Variants in SIK3 observed in about 807,000 individuals in gnomAD.
SIK3 encodes the protein serine/threonine-protein kinase SIK3.
SIK3 carries 28 observed loss-of-function variants against 144.2 expected under a neutral mutation model. The ratio of observed to expected loss-of-function variants is 0.19; its 90% confidence interval spans 0.14 to 0.27. The LOEUF is 0.27. Ranked by LOEUF, SIK3 falls within the 10% of genes least tolerant of loss-of-function variation. The probability of loss-of-function intolerance (pLI) is 1.00; values close to 1 mark genes in which losing one functional copy is unlikely to be tolerated. For synonymous variants in SIK3, 686 were observed against 676.3 expected (o/e 1.01, Z -0.22); for missense variants, 1,319 against 1,776.0 (o/e 0.74, Z 4.62).
At chr11:117,057,024 G>A (rs10790172) in intron 1 of SIK3, among the ~76,000 whole-genome samples, 1 of 152,296 alleles carries the variant, frequency 6.6e-6, no homozygotes, top group East Asian at 1.9e-4. Flanking sequence ...TAGAGTCACA[G>A]GCAGTTGTAA....
intron 6 of SIK3, among the ~76,000 whole-genome samples, chr11:116,887,623 A>AC (rs559426331): frequency 1.1e-3 from 161 of 152,186 alleles, no homozygotes; most frequent in African/African-American, 3.7e-3. Flanking sequence ...AAAAAAAAAA[A>AC]AAAACAAGAG....
At chr11:116,852,438 A>G (rs548104945) in intron 21 of SIK3, among the ~76,000 whole-genome samples, 2 of 152,278 alleles carry the variant, frequency 1.3e-5, no homozygotes, top group South Asian at 4.1e-4. Context: ...GTTGAGCACA[A>G]GGGTCATGAG....
intron 1 of SIK3, among the ~76,000 whole-genome samples, chr11:116,998,334 G>C (rs948867696): frequency 6.6e-6 from 1 of 152,106 alleles, no homozygotes; most frequent in Middle Eastern, 3.4e-3. Context: ...AGCCAGGCAT[G>C]GTGGCGCACG....
At chr11:117,067,832 C>T (rs1397995231) in intron 1 of SIK3, among the ~76,000 whole-genome samples, 1 of 151,820 alleles carries the variant, frequency 6.6e-6, no homozygotes, top group African/African-American at 2.4e-5. Context: ...ACTAAAAATA[C>T]AAAAATTAGC....
chr11:116,929,600 A>G (rs1374137651), intron 3 of SIK3, among the ~76,000 whole-genome samples: 1 of 152,228 alleles, frequency 6.6e-6, no homozygotes. Flanking sequence ...TTATCTCTAC[A>G]GTGACACATC....
intron 1 of SIK3, among the ~76,000 whole-genome samples, chr11:116,980,233 T>A (rs1950090768): frequency 6.6e-6 from 1 of 152,198 alleles, no homozygotes; most frequent in Non-Finnish European, 1.5e-5. Context: ...AACACTGATG[T>A]TAGCCTACGA....
intron 3 of SIK3, chr11:116,950,265 A>G (rs1425482514): frequency 2.4e-6 from 1 of 413,550 alleles, no homozygotes; most frequent in Non-Finnish European, 5.0e-6. Context: ...TCCTGGGAAG[A>G]AAGCTGCTAT....
intron 1 of SIK3, among the ~76,000 whole-genome samples, chr11:117,086,148 C>G (rs1954992948): frequency 6.6e-6 from 1 of 152,078 alleles, no homozygotes; most frequent in African/African-American, 2.4e-5. Flanking sequence ...CAGTCATAAC[C>G]CCACAACATA....
At chr11:117,038,274 A>C (rs1181863479) in intron 1 of SIK3, among the ~76,000 whole-genome samples, 2 of 152,124 alleles carry the variant, frequency 1.3e-5, no homozygotes, top group Non-Finnish European at 2.9e-5. Context: ...ACTCAAACAA[A>C]ATTTCACAGA....
At chr11:116,852,603 C>T (rs1942556477) in intron 21 of SIK3, among the ~76,000 whole-genome samples, 1 of 152,240 alleles carries the variant, frequency 6.6e-6, no homozygotes, top group African/African-American at 2.4e-5. Context: ...ATAGAGGTTA[C>T]TACACTGTAA....
intron 4 of SIK3, among the ~76,000 whole-genome samples, chr11:116,911,964 T>C (rs773772543): frequency 6.6e-5 from 10 of 152,204 alleles, no homozygotes; most frequent in Admixed American, 1.3e-4. Context: ...CTGGTTAAGA[T>C]GGATACGCAC....
intron 6 of SIK3, among the ~76,000 whole-genome samples, chr11:116,880,579 G>C (rs1169685335): frequency 6.6e-6 from 1 of 152,190 alleles, no homozygotes; most frequent in Non-Finnish European, 1.5e-5. Context: ...CAGAAAGCTA[G>C]AGTATCATCA....
intron 4 of SIK3, among the ~76,000 whole-genome samples, chr11:116,915,124 ATG>A (rs35059138): frequency 0.031 from 4,016 of 129,784 alleles, 112 homozygotes; most frequent in East Asian, 0.097. Flanking sequence ...GAAGCCATAT[ATG>A]TGTGTGTGTG....
chr11:117,062,452 T>C (rs1410852453), intron 1 of SIK3, among the ~76,000 whole-genome samples: 1 of 152,160 alleles, frequency 6.6e-6, no homozygotes, highest in Admixed American at 6.6e-5. Context: ...CAGTTTAGTT[T>C]CAACAATGAA....
At chr11:116,869,130 T>G (rs1943817100) in intron 14 of SIK3, 2 of 152,208 alleles carry the variant, frequency 1.3e-5, no homozygotes, top group Non-Finnish European at 2.9e-5. Context: ...TAGGGCCCAT[T>G]TGTAACCTTA....
At chr11:117,025,594 A>T (rs1006821112) in intron 1 of SIK3, among the ~76,000 whole-genome samples, 1 of 151,830 alleles carries the variant, frequency 6.6e-6, no homozygotes. Context: ...ACACCCAGCT[A>T]CTTTTTTGTG....
intron 4 of SIK3, among the ~76,000 whole-genome samples, chr11:116,923,534 T>C (rs1947117411): frequency 1.3e-5 from 2 of 152,184 alleles, no homozygotes; most frequent in Non-Finnish European, 2.9e-5. Flanking sequence ...ATAATTCTAT[T>C]TAATTTATGT....
chr11:117,031,963 A>G (rs1260587333), intron 1 of SIK3, among the ~76,000 whole-genome samples: 1 of 152,180 alleles, frequency 6.6e-6, no homozygotes, highest in African/African-American at 2.4e-5. Flanking sequence ...ATCTCAATTT[A>G]AAAATTTACT....
chr11:116,909,324 A>G (rs1946214825), intron 4 of SIK3, among the ~76,000 whole-genome samples: 1 of 152,084 alleles, frequency 6.6e-6, no homozygotes, highest in Admixed American at 6.5e-5. Flanking sequence ...AAAAGAAAAA[A>G]AAAAACACCT....
Sources: allele counts gnomAD v4.1 joint callset (sites outside exome capture counted in the v4.1 genomes callset), GRCh38; gene constraint gnomAD v4.1.1; transcripts MANE v1.5; gene names NCBI Gene and HGNC (gene_info 2026-07-23, HGNC 2026-07-21).